FAM90A1: variants seen among roughly 807,000 people sequenced by gnomAD.
FAM90A1 encodes protein FAM90A1.
In FAM90A1, 10 loss-of-function variants were observed where a neutral mutation model predicts 14.8. That is an observed-to-expected ratio of 0.67 (90% confidence interval 0.42 to 1.14). The LOEUF (loss-of-function observed/expected upper bound fraction) is 1.14. FAM90A1 is among the 50% of genes most tolerant of loss of function. The probability of loss-of-function intolerance (pLI) is 0.00; values close to 1 mark genes in which losing one functional copy is unlikely to be tolerated. For synonymous variants in FAM90A1, 236 were observed against 248.4 expected (o/e 0.95, Z 0.47); for missense variants, 567 against 602.8 (o/e 0.94, Z 0.62).
In FAM90A1 at chr12:8,222,365, G is replaced by A; in HGVS notation, c.852C>T (p.Leu284=). 1 of 1,611,814 alleles carries A rather than the reference G, an allele frequency of 6.2e-7. No homozygotes were observed. The highest frequency in any genetic ancestry group is 8.5e-7 in the Non-Finnish European group (1 of 1,179,886). The change falls in exon 7 of 7, where the codon CTC becomes CTT. Residue 284 remains leucine (L), a synonymous_variant. Coordinates refer to ENST00000538603, the MANE Select transcript of FAM90A1 (RefSeq NM_018088.3). ...ATHSLGLGSN[L]SFGPGAKRSA... ...ATCTCTTGGCTCCTGGCCCGAAGCT[G>A]AGATTGGAGCCTAGGCCCAAGCTGT...
rs1432098169 is a variant in FAM90A1, at chr12:8,222,393, G to C, written c.824C>G (p.Thr275Arg). The change falls in exon 7 of 7, where the codon ACA (threonine) becomes AGA (arginine). Residue 275 changes from threonine to arginine, a missense_variant. Coordinates refer to ENST00000538603, the MANE Select transcript of FAM90A1 (RefSeq NM_018088.3). ...ATTGGAGCCTAGGCCCAAGCTGTGT[G>C]TGGCGGCTGGTGGGCAGGGCTGTGA... The part of the protein sequence containing the change: ...VTSQPCPPAA[T>R]HSLGLGSNLS... The C allele has an allele frequency of 6.2e-7, 1 of 1,611,764 alleles. No homozygotes were observed. The highest frequency in any genetic ancestry group is 2.3e-4 in the Middle Eastern group (1 of 4,430).
rs779102150 is a variant in FAM90A1, at chr12:8,221,889, G to C, written c.1328C>G (p.Pro443Arg). The C allele has an allele frequency of 6.9e-6, 11 of 1,596,436 alleles. No individual in the cohort carries two copies. In the African/African-American group the frequency reaches 1.5e-4, roughly 21 times the overall value. ...KSEGPCVRVP[P>R]SVLYEDLQVP... is the part of the protein sequence containing the mutation. ...CTGAAGGTCCTCATAGAGGACGCTTGGTGGGACACGAACACAGGGACCCTC... is the reference window on the plus strand; with the variant it reads ...CTGAAGGTCCTCATAGAGGACGCTTCGTGGGACACGAACACAGGGACCCTC... The change falls in exon 7 of 7, where the codon CCA becomes CGA. Residue 443 changes from proline (P) to arginine (R), a missense_variant. Physicochemically the swap from Pro to Arg is moderately radical, Grantham distance 103. Coordinates refer to ENST00000538603, the MANE Select transcript of FAM90A1 (RefSeq NM_018088.3).
chr12:8,227,386 T>G (rs1180561797), intron 1 of FAM90A1, 94 bp downstream of exon 1: 2 of 359,120 alleles, frequency 5.6e-6, no homozygotes, highest in South Asian at 3.1e-5. Flanking sequence ...GGGGGCTGTG[T>G]CAGGGCAGCG....
chr12:8,223,869 C>T (rs950148339), intron 5 of FAM90A1, 147 bp downstream of exon 5: 6 of 919,772 alleles, frequency 6.5e-6, no homozygotes, highest in South Asian at 1.6e-5. Context: ...GTGTGGAACT[C>T]CGGAAGACAC....
Position 8,222,658 on chromosome 12 carries a change from T to G in FAM90A1, c.559A>C (p.Arg187=), listed in dbSNP as rs1230997594. 1.9e-6 allele frequency: 3 copies of G among 1,611,278 alleles called. No individual in the cohort carries two copies. The African/African-American group carries it at 4.0e-5, about 21-fold the overall frequency. ...GAGGAGGAGCTCAGACTGGCTTTTC[T>G]GAGGGGAGACAGTGAAGCTAAGACG... is the stretch of plus-strand genomic sequence containing the variant. The part of the protein sequence containing the change: ...GSVLASLSPL[R]KASLSSSSSL... Residue 187 remains arginine (R), a synonymous_variant, in exon 7 of 7, where the codon AGA becomes CGA. Coordinates refer to ENST00000538603, the MANE Select transcript of FAM90A1 (RefSeq NM_018088.3).
In FAM90A1 at chr12:8,224,136, AG is replaced by A. The variant is rs767904882; in HGVS notation, c.202del (p.Leu68TrpfsTer15). On this transcript the variant is annotated frameshift_variant, in exon 5 of 7. Coordinates refer to ENST00000538603, the MANE Select transcript of FAM90A1 (RefSeq NM_018088.3). LOFTEE classifies it high-confidence loss of function. ...RCPMKCWKAALVPPNFGEKEG... is the reference protein window; with the variant it reads ...RCPMKCWKAAXVPPNFGEKEG... Reference sequence around the variant, plus strand: ...CTTTTCCCCAAAGTTCGGTGGAACCAGGGCTGCCTTCCAGCACTTCATGGGG... The same window carrying A: ...CTTTTCCCCAAAGTTCGGTGGAACCAGGCTGCCTTCCAGCACTTCATGGGG... 4.3e-6 allele frequency: 7 copies of A among 1,611,942 alleles called. No homozygotes were observed. The highest frequency in any genetic ancestry group is 5.9e-6 in the Non-Finnish European group (7 of 1,179,872).
chr12:8,227,318 G>A (rs1203657635), intron 1 of FAM90A1, among the ~76,000 whole-genome samples, 162 bp downstream of exon 1: 5 of 152,132 alleles, frequency 3.3e-5, no homozygotes, highest in Admixed American at 2.0e-4. Context: ...AACCTGCGCC[G>A]TGTGCTCTGG....
chr12:8,225,492 C>T (rs1423309635), intron 3 of FAM90A1, among the ~76,000 whole-genome samples: 5 of 152,186 alleles, frequency 3.3e-5, no homozygotes, highest in African/African-American at 9.7e-5. Context: ...TTTACGCATG[C>T]CACACGAATT....
At chr12:8,224,655 G>GGCC in intron 4 of FAM90A1, 55 bp downstream of exon 4, 1 of 513,736 alleles carries the variant, frequency 1.9e-6, no homozygotes, top group Non-Finnish European at 3.7e-6. Flanking sequence ...GTGACACCCC[G>GGCC]TCCCCCCGCC....
chr12:8,222,668 C>G lies in FAM90A1; in HGVS notation c.549G>C (p.Leu183=), dbSNP rs752267614. ...MSDRGSVLAS[L]SPLRKASLSS... is the part of the protein sequence containing the mutation. The stretch of plus-strand genomic sequence containing the variant: ...TCAGACTGGCTTTTCTGAGGGGAGA[C>G]AGTGAAGCTAAGACGGAGCCCCTGT... Residue 183 remains leucine, a synonymous_variant, in exon 7 of 7, where the codon CTG becomes CTC. Transcript: ENST00000538603. 1.9e-6 allele frequency: 3 copies of G among 1,610,854 alleles called. No individual in the cohort carries two copies. Among genetic ancestry groups the G allele is most frequent in the South Asian group, 2.2e-5 (2 of 90,996 alleles).
rs766029368 is a variant in FAM90A1, at chr12:8,221,958, G to A, written c.1259C>T (p.Pro420Leu). 280 of 1,596,476 alleles carry A rather than the reference G, an allele frequency of 1.8e-4. No individual in the cohort carries two copies. The highest frequency in any genetic ancestry group is 6.4e-5 in the Non-Finnish European group (75 of 1,179,690). Residue 420 changes from proline (P) to leucine (L), a missense_variant, in exon 7 of 7, where the codon CCG (proline) becomes CTG (leucine). Physicochemically the swap from Pro to Leu is moderately conservative, Grantham distance 98. Coordinates refer to ENST00000538603, the MANE Select transcript of FAM90A1 (RefSeq NM_018088.3). The part of the protein sequence containing the change: ...TAPSFHSPEK[P>L]GAFLAQSPHV... ...AGGGCTCTGAGCGAGGAAGGCTCCCGGCTTCTCAGGAGAGTGAAATGAGGG... is the reference window on the plus strand; with the variant it reads ...AGGGCTCTGAGCGAGGAAGGCTCCCAGCTTCTCAGGAGAGTGAAATGAGGG...
In FAM90A1 at chr12:8,224,115, TC is replaced by T; in HGVS notation, c.223del (p.Glu75LysfsTer8). On this transcript the variant is annotated frameshift_variant, in exon 5 of 7. Transcript: ENST00000538603. LOFTEE classifies it high-confidence loss of function. ...KAALVPPNFGEKEGKENLKPW... is the reference protein window; with the variant it reads ...KAALVPPNFGXKEGKENLKPW... ...TTTCAGGTTTTCCTTCCCTTCCTTT[TC>T]CCCAAAGTTCGGTGGAACCAGGGCT... 6.2e-7 allele frequency: 1 copy of T among 1,612,044 alleles called. No individual in the cohort carries two copies. The highest frequency in any genetic ancestry group is 8.5e-7 in the Non-Finnish European group (1 of 1,179,858).
intron 4 of FAM90A1, among the ~76,000 whole-genome samples, 164 bp downstream of exon 4, chr12:8,224,545 CG>C (rs1315345210): frequency 3.3e-5 from 5 of 152,210 alleles, no homozygotes; most frequent in Admixed American, 3.3e-4. Flanking sequence ...CCTATCGGGC[CG>C]GGGAGGAGGT....
Position 8,222,327 on chromosome 12 carries a change from G to C in FAM90A1, c.890C>G (p.Pro297Arg), listed in dbSNP as rs1362889210. 2.2e-5 allele frequency: 36 copies of C among 1,611,616 alleles called. No individual in the cohort carries two copies. The highest frequency in any genetic ancestry group is 2.9e-5 in the Non-Finnish European group (34 of 1,179,930). The change falls in exon 7 of 7, where the codon CCG (proline) becomes CGG (arginine). Residue 297 changes from proline (P) to arginine (R), a missense_variant. Transcript: ENST00000538603. Reference sequence around the variant, plus strand: ...GGGGAAGTTCAGGCAAGCCTGAATCGGAGCCGGGGCAGATCTCTTGGCTCC... The same window carrying C: ...GGGGAAGTTCAGGCAAGCCTGAATCCGAGCCGGGGCAGATCTCTTGGCTCC... ...GPGAKRSAPAPIQACLNFPKK... is the reference protein window; with the variant it reads ...GPGAKRSAPARIQACLNFPKK...
In FAM90A1 at chr12:8,222,355, G is replaced by T; in HGVS notation, c.862C>A (p.Pro288Thr). 1 of 1,611,722 alleles carries T rather than the reference G, an allele frequency of 6.2e-7. No homozygotes were observed. The highest frequency in any genetic ancestry group is 2.2e-5 in the East Asian group (1 of 44,886). Residue 288 changes from proline (P) to threonine (T), a missense_variant, in exon 7 of 7, where the codon CCA becomes ACA. Physicochemically the swap from Pro to Thr is conservative, Grantham distance 38 (BLOSUM62 -1). Coordinates refer to ENST00000538603, the MANE Select transcript of FAM90A1 (RefSeq NM_018088.3). ...GCCGGGGCAGATCTCTTGGCTCCTGGCCCGAAGCTGAGATTGGAGCCTAGG... is the reference window on the plus strand; with the variant it reads ...GCCGGGGCAGATCTCTTGGCTCCTGTCCCGAAGCTGAGATTGGAGCCTAGG... ...LGLGSNLSFG[P>T]GAKRSAPAPI...
chr12:8,224,154 T>G lies in FAM90A1; in HGVS notation c.185A>C (p.Lys62Thr). The change falls in exon 5 of 7, where the codon AAG becomes ACG. Residue 62 changes from lysine (K) to threonine (T), a missense_variant. Transcript: ENST00000538603. ...HTARSTRCPM[K>T]CWKAALVPPN... ...TGGAACCAGGGCTGCCTTCCAGCAC[T>G]TCATGGGGCACCTGGTACTTCTGGC... The G allele has an allele frequency of 6.2e-7, 1 of 1,612,076 alleles. No individual in the cohort carries two copies. The highest frequency in any genetic ancestry group is 2.2e-5 in the East Asian group (1 of 44,888).
rs1182766027 is a variant in FAM90A1, at chr12:8,222,536, C to T, written c.681G>A (p.Lys227=). 5 of 1,611,922 alleles carry T rather than the reference C, an allele frequency of 3.1e-6. No individual in the cohort carries two copies. The highest frequency in any genetic ancestry group is 3.4e-6 in the Non-Finnish European group (4 of 1,179,866). ...CACCCGCAGGGCTGCTGTGTGTCGG[C>T]TTCACCACGAGGAGAGGCTCGGGGC... is the stretch of plus-strand genomic sequence containing the variant. ...HQGPEPLLVV[K]PTHSSPAGGC... Residue 227 remains lysine (K), a synonymous_variant, in exon 7 of 7, where the codon AAG becomes AAA. Coordinates refer to ENST00000538603, the MANE Select transcript of FAM90A1 (RefSeq NM_018088.3).
At chr12:8,226,891 C>T (rs773223211) in intron 1 of FAM90A1, among the ~76,000 whole-genome samples, 8 of 149,342 alleles carry the variant, frequency 5.4e-5, no homozygotes, top group South Asian at 4.2e-4. Flanking sequence ...CTGCAACCTC[C>T]GCGTCTCACA....
At position 8,222,525 on chromosome 12, in the gene FAM90A1, C is replaced by G. The variant is rs1215326890; in HGVS notation, c.692G>C (p.Ser231Thr). 2 of 1,611,914 alleles carry G rather than the reference C, an allele frequency of 1.2e-6. No individual in the cohort carries two copies. The highest frequency in any genetic ancestry group is 1.7e-6 in the Non-Finnish European group (2 of 1,179,780). Residue 231 changes from serine (S) to threonine (T), a missense_variant, in exon 7 of 7, where the codon AGC (serine) becomes ACC (threonine). Coordinates refer to ENST00000538603, the MANE Select transcript of FAM90A1 (RefSeq NM_018088.3). The part of the protein sequence containing the change: ...EPLLVVKPTH[S>T]SPAGGCREVP... ...TTCTCGACAGCCACCCGCAGGGCTG[C>G]TGTGTGTCGGCTTCACCACGAGGAG...
Sources: allele counts gnomAD v4.1 joint callset (sites outside exome capture counted in the v4.1 genomes callset), GRCh38; gene constraint gnomAD v4.1.1; transcripts MANE v1.5; gene names NCBI Gene and HGNC (gene_info 2026-07-23, HGNC 2026-07-21).